COL10A1: variants seen among roughly 807,000 people sequenced by gnomAD.
The protein encoded by COL10A1 is collagen type X alpha 1 chain.
In COL10A1, 10 loss-of-function variants were observed where a neutral mutation model predicts 18.2. The observed-to-expected ratio is 0.55, with a 90% CI of 0.34 to 0.93. The LOEUF is 0.93. Among genes scored for constraint, COL10A1 ranks in the 40% least tolerant of loss-of-function variants. The probability of loss-of-function intolerance (pLI) is 0.02; values close to 1 mark genes in which losing one functional copy is unlikely to be tolerated. For synonymous variants in COL10A1, 330 were observed against 316.6 expected (o/e 1.04, Z -0.45); for missense variants, 897 against 853.5 (o/e 1.05, Z -0.64).
At chr6:116,166,604 C>T in the COL10A1 span, among the ~76,000 whole-genome samples, 2 of 152,174 alleles carry the variant, frequency 1.3e-5, no homozygotes. Context: ...AGATATTTCC[C>T]TTGAGGTTTT....
At chr6:116,162,116 G>A (rs1780349071), upstream of COL10A1, among the ~76,000 whole-genome samples, 1 of 152,144 alleles carries the variant, frequency 6.6e-6, no homozygotes, top group South Asian at 2.1e-4. Flanking sequence ...TGATTATGGT[G>A]TGTTAATTTT....
intron 1 of COL10A1, among the ~76,000 whole-genome samples, chr6:116,157,633 C>T (rs1007846028): frequency 6.6e-6 from 1 of 152,016 alleles, no homozygotes; most frequent in Non-Finnish European, 1.5e-5. Flanking sequence ...TACATGAAAC[C>T]ACAAGAGAGG....
chr6:116,152,130 C>A lies in COL10A1; in HGVS notation c.-16+6484G>T, dbSNP rs151027888. On this transcript the variant is annotated intron_variant, in intron 1 of 1. Coordinates refer to the COL10A1 transcript ENST00000418500. ...ATTTGTATGTCACAATCTATTTTCACAGGATGCAGTGCCTTCGTTTTCATT... is the reference window on the plus strand; with the variant it reads ...ATTTGTATGTCACAATCTATTTTCAAAGGATGCAGTGCCTTCGTTTTCATT... Among the ~76,000 whole-genome samples, 54 of 152,286 alleles carry A rather than the reference C, an allele frequency of 3.5e-4. No homozygotes were observed. The East Asian group carries it at 8.9e-3, about 25-fold the overall frequency.
chr6:116,210,552 A>G, the COL10A1 span, among the ~76,000 whole-genome samples: 1 of 151,930 alleles, frequency 6.6e-6, no homozygotes, highest in African/African-American at 2.4e-5. Flanking sequence ...TCGGATTTTC[A>G]GTTGCAAAAC....
At chr6:116,195,020 C>T in the COL10A1 span, among the ~76,000 whole-genome samples, 3 of 152,058 alleles carry the variant, frequency 2.0e-5, no homozygotes, top group Non-Finnish European at 2.9e-5. Flanking sequence ...ACCTTCCTGC[C>T]ATCCATACTC....
At position 116,120,659 on chromosome 6, in the gene COL10A1, T is replaced by C. The variant is rs1295071807; in HGVS notation, c.1457A>G (p.Asn486Ser). 8 of 1,546,330 alleles carry C rather than the reference T, an allele frequency of 5.2e-6. No homozygotes were observed. The highest frequency in any genetic ancestry group is 2.1e-5 in the Admixed American group (1 of 46,962). ...GPAGIATKGL[N>S]GPTGPPGPPG... ...AGGCCCTGGTGGCCCGGTGGGTCCATTGAGGCCCTTAGTTGCTATGCCAGC... is the reference window on the plus strand; with the variant it reads ...AGGCCCTGGTGGCCCGGTGGGTCCACTGAGGCCCTTAGTTGCTATGCCAGC... Residue 486 changes from asparagine to serine, a missense_variant, in exon 3 of 3, where the codon AAT becomes AGT. Physicochemically the swap from Asn to Ser is conservative, Grantham distance 46. Transcript: ENST00000651968.
chr6:116,188,452 T>G, the COL10A1 span, among the ~76,000 whole-genome samples: 1 of 152,084 alleles, frequency 6.6e-6, no homozygotes, highest in Admixed American at 6.6e-5. Context: ...AGTGACATTC[T>G]ATTCATCAAT....
intron 1 of COL10A1, among the ~76,000 whole-genome samples, chr6:116,158,390 T>C (rs1323577451): frequency 1.3e-5 from 2 of 152,326 alleles, no homozygotes; most frequent in East Asian, 3.9e-4. Context: ...AGTATTGAGT[T>C]TATAAATGAT....
At chr6:116,163,141 A>AAAAAAATAT (rs761718922), upstream of COL10A1, among the ~76,000 whole-genome samples, 342 of 88,360 alleles carry the variant, frequency 3.9e-3, 3 homozygotes, top group Middle Eastern at 0.022. Context: ...AAAAAAAAAA[A>AAAAAAATAT]ATATATATAT....
At chr6:116,125,287 T>C (rs1042750688) in intron 2 of COL10A1, 52 bp downstream of exon 2, 3 of 1,588,364 alleles carry the variant, frequency 1.9e-6, no homozygotes, top group African/African-American at 1.3e-5. Context: ...ATTAAGATTA[T>C]AGAAAGCAAC....
At chr6:116,199,814 T>C in the COL10A1 span, among the ~76,000 whole-genome samples, 1 of 151,986 alleles carries the variant, frequency 6.6e-6, no homozygotes, top group Admixed American at 6.6e-5. Flanking sequence ...TAACCATCAA[T>C]GAGTCTGGTA....
chr6:116,132,406 C>T (rs1263273787), intron 1 of COL10A1, among the ~76,000 whole-genome samples: 2 of 152,000 alleles, frequency 1.3e-5, no homozygotes, highest in Non-Finnish European at 2.9e-5. Context: ...ATAACTTAAA[C>T]CTCTGTTCTG....
the COL10A1 span, among the ~76,000 whole-genome samples, chr6:116,182,209 GTAT>G: frequency 6.7e-6 from 1 of 149,902 alleles, no homozygotes; most frequent in Non-Finnish European, 1.5e-5. Flanking sequence ...TGGCTGAGTA[GTAT>G]TCCATGGAGA....
chr6:116,160,950 A>C (rs890784536), upstream of COL10A1, among the ~76,000 whole-genome samples: 2 of 152,082 alleles, frequency 1.3e-5, no homozygotes, highest in African/African-American at 4.8e-5. Flanking sequence ...CCAGATGTCC[A>C]ACAATGATAG....
the COL10A1 span, among the ~76,000 whole-genome samples, chr6:116,186,529 T>G: frequency 7.2e-5 from 11 of 152,092 alleles, no homozygotes; most frequent in Non-Finnish European, 1.6e-4. Flanking sequence ...TTAGGTTTGG[T>G]CATTTAACAT....
At position 116,121,104 on chromosome 6, in the gene COL10A1, C is replaced by A. The variant is rs747632782; in HGVS notation, c.1012G>T (p.Gly338Ter). The change falls in exon 3 of 3, where the codon GGA becomes TGA. Residue 338 changes from glycine (G) to a stop codon, truncating the protein, a stop_gained. Coordinates refer to ENST00000651968, the MANE Select transcript of COL10A1 (RefSeq NM_000493.4). LOFTEE classifies it high-confidence loss of function. ...TGGGGTCCCATATTCCCAGGGGGTC[C>A]AGTCAGACCTGGCTTCCCAGGAAGA... ...AGLPGKPGLT[G>*]PPGNMGPQGP... is the part of the protein sequence containing the mutation. 1.2e-6 allele frequency: 2 copies of A among 1,613,728 alleles called. No individual in the cohort carries two copies. The highest frequency in any genetic ancestry group is 1.7e-5 in the Admixed American group (1 of 60,000).
the COL10A1 span, among the ~76,000 whole-genome samples, chr6:116,195,897 T>C: frequency 1.3e-5 from 2 of 151,942 alleles, no homozygotes. Flanking sequence ...AAGCCACAAG[T>C]TGGAAAGGGG....
chr6:116,124,447 A>T (rs1562126815), intron 2 of COL10A1, among the ~76,000 whole-genome samples: 1 of 152,184 alleles, frequency 6.6e-6, no homozygotes, highest in African/African-American at 2.4e-5. Flanking sequence ...TACATATATT[A>T]TCTCAGTAAT....
chr6:116,132,958 G>C (rs910115745), intron 1 of COL10A1, among the ~76,000 whole-genome samples: 1 of 152,134 alleles, frequency 6.6e-6, no homozygotes, highest in Admixed American at 6.5e-5. Flanking sequence ...TTAGTGGTTA[G>C]ATACCTGCTG....
Sources: allele counts gnomAD v4.1 joint callset (sites outside exome capture counted in the v4.1 genomes callset), GRCh38; gene constraint gnomAD v4.1.1; transcripts MANE v1.5; gene names NCBI Gene and HGNC (gene_info 2026-07-23, HGNC 2026-07-21).